Variants in THRB observed in about 807,000 individuals in gnomAD.
The protein encoded by THRB is nuclear receptor subfamily 1 group A member 2.
A neutral mutation model predicts 47.8 loss-of-function variants in THRB; 12 were observed. That is an observed-to-expected ratio of 0.25 (90% confidence interval 0.16 to 0.41). The LOEUF (loss-of-function observed/expected upper bound fraction) is 0.41. Ranked by LOEUF, THRB falls within the 10% of genes least tolerant of loss-of-function variation. The probability of loss-of-function intolerance (pLI) is 1.00; values close to 1 mark genes in which losing one functional copy is unlikely to be tolerated. For synonymous variants in THRB, 218 were observed against 212.2 expected (o/e 1.03, Z -0.24); for missense variants, 348 against 589.2 (o/e 0.59, Z 4.24).
intron 2 of THRB, among the ~76,000 whole-genome samples, chr3:24,335,280 A>C (rs1032760791): frequency 1.3e-5 from 2 of 152,280 alleles, no homozygotes; most frequent in African/African-American, 4.8e-5. Flanking sequence ...CATCTTAGCC[A>C]CGTTACAGGT....
intron 4 of THRB, 104 bp from the exon 5 acceptor site, chr3:24,190,438 G>A (rs1448163257): frequency 7.0e-7 from 1 of 1,434,118 alleles, no homozygotes; most frequent in Non-Finnish European, 9.8e-7. Flanking sequence ...CTTTTGGGCT[G>A]ACAGTATTCA....
chr3:24,127,062 C>G (rs983670015), intron 10 of THRB, among the ~76,000 whole-genome samples: 1 of 152,208 alleles, frequency 6.6e-6, no homozygotes, highest in Non-Finnish European at 1.5e-5. Context: ...TATTTAGCAA[C>G]AGATAACTAA....
chr3:24,479,894 C>T (rs1253028308), intron 1 of THRB, among the ~76,000 whole-genome samples: 4 of 152,152 alleles, frequency 2.6e-5, no homozygotes, highest in African/African-American at 9.7e-5. Context: ...AGTGATAGTC[C>T]TGAAATGACA....
intron 1 of THRB, among the ~76,000 whole-genome samples, chr3:24,370,447 G>GTGAGGTGTGCACATGAGTGTGTA (rs546487731): frequency 2.6e-5 from 4 of 152,186 alleles, no homozygotes; most frequent in Admixed American, 2.0e-4. Context: ...CAGGACGTGT[G>GTGAGGTGTGCACATGAGTGTGTA]TGAGGTGTGC....
intron 4 of THRB, among the ~76,000 whole-genome samples, chr3:24,227,925 G>C (rs1479549584): frequency 6.6e-6 from 1 of 152,124 alleles, no homozygotes; most frequent in Non-Finnish European, 1.5e-5. Context: ...CTCATGGGTT[G>C]ATTCTAGTTA....
At chr3:24,303,300 G>A (rs1162437956) in intron 2 of THRB, among the ~76,000 whole-genome samples, 2 of 152,230 alleles carry the variant, frequency 1.3e-5, no homozygotes, top group Non-Finnish European at 2.9e-5. Context: ...AGTGAGGTGA[G>A]TGTTTGGGCC....
intron 7 of THRB, among the ~76,000 whole-genome samples, chr3:24,146,283 C>A (rs1290405314): frequency 2.6e-5 from 4 of 152,206 alleles, no homozygotes; most frequent in African/African-American, 9.6e-5. Flanking sequence ...TGAGGCTCTA[C>A]CCCATGTGAA....
At chr3:24,284,299 T>G (rs2054986939) in intron 3 of THRB, among the ~76,000 whole-genome samples, 1 of 151,766 alleles carries the variant, frequency 6.6e-6, no homozygotes. Context: ...TATCTGATCT[T>G]TGACAAACCT....
chr3:24,155,197 C>A (rs533092233), intron 5 of THRB, among the ~76,000 whole-genome samples: 1 of 152,304 alleles, frequency 6.6e-6, no homozygotes, highest in East Asian at 1.9e-4. Flanking sequence ...CTGGAATGGA[C>A]TCCTTTCATT....
intron 2 of THRB, chr3:24,318,437 C>G (rs2058269390): frequency 6.6e-6 from 1 of 152,242 alleles, no homozygotes; most frequent in Non-Finnish European, 1.5e-5. Flanking sequence ...GTCCACTTTT[C>G]CTGGGAAGAC....
chr3:24,281,153 A>C (rs1290442731), intron 3 of THRB, among the ~76,000 whole-genome samples: 4 of 152,214 alleles, frequency 2.6e-5, no homozygotes, highest in African/African-American at 2.4e-5. Context: ...ACCAAAGCTG[A>C]AATGAAGGAA....
chr3:24,411,111 T>A (rs2068256877), intron 1 of THRB, among the ~76,000 whole-genome samples: 1 of 151,720 alleles, frequency 6.6e-6, no homozygotes, highest in African/African-American at 2.4e-5. Context: ...TTTTCTTCTG[T>A]GAAGCTAATT....
intron 2 of THRB, among the ~76,000 whole-genome samples, chr3:24,329,634 T>A (rs537652511): frequency 1.3e-5 from 2 of 152,246 alleles, no homozygotes; most frequent in East Asian, 3.8e-4. Flanking sequence ...TGAACAGTCA[T>A]GTATCCTTTC....
At chr3:24,249,152 AT>A (rs1197445933) in intron 3 of THRB, among the ~76,000 whole-genome samples, 1 of 152,222 alleles carries the variant, frequency 6.6e-6, no homozygotes, top group Non-Finnish European at 1.5e-5. Context: ...TGTGTGAGAA[AT>A]GATAAGGCCC....
At chr3:24,271,587 G>C (rs1165201238) in intron 3 of THRB, among the ~76,000 whole-genome samples, 2 of 152,002 alleles carry the variant, frequency 1.3e-5, no homozygotes, top group African/African-American at 2.4e-5. Context: ...CTCATTAGAA[G>C]AAAATACACC....
chr3:24,305,351 T>C (rs2057261687), intron 2 of THRB, among the ~76,000 whole-genome samples: 1 of 152,214 alleles, frequency 6.6e-6, no homozygotes, highest in African/African-American at 2.4e-5. Flanking sequence ...GTAGCTGGCC[T>C]ACATTTTATA....
At chr3:24,168,490 A>ATATATAT (rs1559499553) in intron 5 of THRB, among the ~76,000 whole-genome samples, 22 of 137,986 alleles carry the variant, frequency 1.6e-4, no homozygotes, top group African/African-American at 3.5e-4. Context: ...TTCAATCAAT[A>ATATATAT]ATATATATAT....
intron 3 of THRB, among the ~76,000 whole-genome samples, chr3:24,266,628 TCG>T (rs1432549830): frequency 6.6e-6 from 1 of 151,866 alleles, no homozygotes; most frequent in Non-Finnish European, 1.5e-5. Context: ...GTTTAGCACA[TCG>T]AATGGGATTT....
chr3:24,432,702 T>A (rs752279959), intron 1 of THRB, among the ~76,000 whole-genome samples: 3 of 152,146 alleles, frequency 2.0e-5, no homozygotes, highest in Non-Finnish European at 4.4e-5. Context: ...AAAGAAATGC[T>A]GTGAAATTTT....
Sources: allele counts gnomAD v4.1 joint callset (sites outside exome capture counted in the v4.1 genomes callset), GRCh38; gene constraint gnomAD v4.1.1; transcripts MANE v1.5; gene names NCBI Gene and HGNC (gene_info 2026-07-23, HGNC 2026-07-21).